HHIP: variants seen among roughly 807,000 people sequenced by gnomAD.
The protein encoded by HHIP is hedgehog interacting protein, also known as hedgehog-interacting protein.
In HHIP, 12 loss-of-function variants were observed where a neutral mutation model predicts 74.0. The ratio of observed to expected loss-of-function variants is 0.16; its 90% CI spans 0.10 to 0.26. The LOEUF is 0.26. HHIP is among the 10% of genes least tolerant of loss of function. HHIP has a pLI of 1.00. For missense variants in HHIP, 788 were observed against 845.0 expected, an observed-to-expected ratio of 0.93 and a Z score of 0.84; for synonymous variants, 309 against 311.6, an observed-to-expected ratio of 0.99 and a Z score of 0.09.
At chr4:144,700,525 G>C (rs2126645657) in intron 4 of HHIP, among the ~76,000 whole-genome samples, 1 of 152,258 alleles carries the variant, frequency 6.6e-6, no homozygotes, top group Non-Finnish European at 1.5e-5. Flanking sequence ...AGATTATCCT[G>C]GATCATCTGG....
intron 4 of HHIP, among the ~76,000 whole-genome samples, chr4:144,674,893 T>G (rs1266845062): frequency 6.6e-6 from 1 of 152,168 alleles, no homozygotes; most frequent in Non-Finnish European, 1.5e-5. Flanking sequence ...GAAGTAGGTC[T>G]GCTAGAAACT....
rs753317319 is a variant in HHIP at position 144,708,192 on chromosome 4, G to A, written c.1182G>A (p.Arg394=). 3.7e-6 allele frequency: 6 copies of A among 1,613,934 alleles called. No homozygotes were observed. The African/African-American group carries it at 6.7e-5, about 18-fold the overall frequency. The change falls in exon 7 of 13, where the codon CGG becomes CGA. Residue 394 remains arginine, a synonymous_variant. Transcript: ENST00000296575. Reference sequence around the variant, plus strand: ...GTGATTTCACAGGCTCAGTGCTACGGCTGGATGTGGACACAGACATGTGCA... The same window carrying A: ...GTGATTTCACAGGCTCAGTGCTACGACTGGATGTGGACACAGACATGTGCA... ...GLSDFTGSVL[R]LDVDTDMCNV...
intron 4 of HHIP, among the ~76,000 whole-genome samples, chr4:144,665,197 T>G (rs964085700): frequency 1.3e-5 from 2 of 152,036 alleles, no homozygotes; most frequent in Admixed American, 6.6e-5. Flanking sequence ...GCCTTCTGAG[T>G]AGCTGGGATT....
At chr4:144,676,999 G>A (rs1051453635) in intron 4 of HHIP, among the ~76,000 whole-genome samples, 3 of 152,140 alleles carry the variant, frequency 2.0e-5, no homozygotes, top group African/African-American at 7.2e-5. Flanking sequence ...GTAAACTGAG[G>A]CCAGAGAGGG....
At chr4:144,678,971 G>T (rs1362653815) in intron 4 of HHIP, among the ~76,000 whole-genome samples, 3 of 152,116 alleles carry the variant, frequency 2.0e-5, no homozygotes, top group Non-Finnish European at 4.4e-5. Flanking sequence ...TTCCACAATG[G>T]TTGAACTAAT....
rs36088965 is a variant in HHIP, at chr4:144,736,136, C to CTTTTTT, written c.1909+1259_1909+1264dup. Among the ~76,000 whole-genome samples the CTTTTTT allele has an allele frequency of 9.4e-5, 12 of 128,230 alleles. 1 individual carries two copies. The highest frequency in any genetic ancestry group is 2.5e-4 in the South Asian group (1 of 4,002). The allele number at this position is 128,230 out of a possible 152,430, so 84.1% of individuals were successfully genotyped here. Reference sequence around the variant, plus strand: ...CTAACAATATCTACTTTTTCTGCATCTTTTTTTTTTTTTTTTTGAGGTGGA... The same window carrying CTTTTTT: ...CTAACAATATCTACTTTTTCTGCATCTTTTTTTTTTTTTTTTTTTTTTTGAGGTGGA... On this transcript the variant is annotated intron_variant, in intron 12 of 12. Coordinates refer to ENST00000296575, the MANE Select transcript of HHIP (RefSeq NM_022475.3).
chr4:144,676,254 C>G (rs1240408480), intron 4 of HHIP, among the ~76,000 whole-genome samples: 3 of 151,976 alleles, frequency 2.0e-5, no homozygotes, highest in African/African-American at 7.3e-5. Context: ...ATATTTGGAT[C>G]CAGAGAGATA....
intron 2 of HHIP, among the ~76,000 whole-genome samples, chr4:144,657,131 C>A (rs1421569788): frequency 1.3e-5 from 2 of 152,108 alleles, no homozygotes; most frequent in African/African-American, 4.8e-5. Flanking sequence ...TCAGAAAGTT[C>A]AGGGTGAGAC....
intron 4 of HHIP, 62 bp downstream of exon 4, chr4:144,659,900 C>G (rs1392522652): frequency 5.0e-6 from 6 of 1,196,402 alleles, no homozygotes; most frequent in Non-Finnish European, 6.2e-6. Flanking sequence ...TTAGTGTTAC[C>G]TTCCTCACTG....
intron 2 of HHIP, among the ~76,000 whole-genome samples, chr4:144,654,063 C>T (rs1728497016): frequency 6.6e-6 from 1 of 152,090 alleles, no homozygotes; most frequent in African/African-American, 2.4e-5. Context: ...GCCTTTAGGA[C>T]TATAAATTGA....
At chr4:144,687,987 G>T (rs1016655239) in intron 4 of HHIP, among the ~76,000 whole-genome samples, 1 of 151,860 alleles carries the variant, frequency 6.6e-6, no homozygotes, top group African/African-American at 2.4e-5. Context: ...AGAAACTTAA[G>T]TAATCTTCTC....
At chr4:144,723,874 C>A (rs1483515670) in intron 11 of HHIP, among the ~76,000 whole-genome samples, 1 of 152,152 alleles carries the variant, frequency 6.6e-6, no homozygotes, top group Admixed American at 6.6e-5. Flanking sequence ...GGCAAGGAAA[C>A]ATTTTCCACA....
In HHIP at chr4:144,699,046, G is replaced by A. The variant is rs139673344; in HGVS notation, c.832-7485G>A. On this transcript the variant is annotated intron_variant, in intron 4 of 12. Coordinates refer to ENST00000296575, the MANE Select transcript of HHIP (RefSeq NM_022475.3). Reference sequence around the variant, plus strand: ...ACCAGTCCTCCCACACCAATTGTGCGTCCAACAATTTGATTTAGTTCAATT... The same window carrying A: ...ACCAGTCCTCCCACACCAATTGTGCATCCAACAATTTGATTTAGTTCAATT... Among the ~76,000 whole-genome samples, 482 of 152,174 alleles carry A rather than the reference G, an allele frequency of 3.2e-3. 4 individuals are homozygous for A. The highest frequency in any genetic ancestry group is 0.011 in the African/African-American group (458 of 41,530).
At chr4:144,663,534 T>C (rs1728770915) in intron 4 of HHIP, among the ~76,000 whole-genome samples, 1 of 152,228 alleles carries the variant, frequency 6.6e-6, no homozygotes, top group Admixed American at 6.5e-5. Context: ...GGTGGTTGGA[T>C]ACCAGTTGTC....
intron 4 of HHIP, among the ~76,000 whole-genome samples, chr4:144,662,306 A>G (rs1728736667): frequency 1.3e-5 from 2 of 152,174 alleles, no homozygotes; most frequent in African/African-American, 2.4e-5. Context: ...CCAAGAGCCA[A>G]TCATAAGGGA....
chr4:144,685,440 T>C (rs912677475), intron 4 of HHIP, among the ~76,000 whole-genome samples: 3 of 152,332 alleles, frequency 2.0e-5, no homozygotes, highest in East Asian at 1.9e-4. Context: ...TTGTACATCA[T>C]AAAGTAGACA....
rs143765874 is a variant in HHIP at position 144,718,302 on chromosome 4, A to G, written c.1679-573A>G. 3.3e-5 allele frequency among the ~76,000 whole-genome samples: 5 copies of G among 152,260 alleles called. No homozygotes were observed. The East Asian group carries it at 9.7e-4, about 29-fold the overall frequency. On this transcript the variant is annotated intron_variant, in intron 10 of 12. Coordinates refer to ENST00000296575, the MANE Select transcript of HHIP (RefSeq NM_022475.3). Reference sequence around the variant, plus strand: ...CTCACAGGAAGATGGAGCCTGTAATAGGGGCCTGGAACAGCAAGAACTTGA... The same window carrying G: ...CTCACAGGAAGATGGAGCCTGTAATGGGGGCCTGGAACAGCAAGAACTTGA...
At chr4:144,693,568 A>G (rs1489636274) in intron 4 of HHIP, among the ~76,000 whole-genome samples, 1 of 152,028 alleles carries the variant, frequency 6.6e-6, no homozygotes, top group Non-Finnish European at 1.5e-5. Flanking sequence ...TGTACTCCTC[A>G]GAGTTTTTTC....
At chr4:144,659,557 G>T in intron 3 of HHIP, 80 bp from the exon 4 acceptor site, 1 of 871,106 alleles carries the variant, frequency 1.1e-6, no homozygotes, top group South Asian at 3.5e-5. Context: ...AGAGGAAATA[G>T]AGTTTGAAAA....
Sources: allele counts gnomAD v4.1 joint callset (sites outside exome capture counted in the v4.1 genomes callset), GRCh38; gene constraint gnomAD v4.1.1; transcripts MANE v1.5; gene names NCBI Gene and HGNC (gene_info 2026-07-23, HGNC 2026-07-21).